Variants in CWF19L2 observed in about 807,000 individuals in gnomAD.
The protein encoded by CWF19L2 is CWF19 like cell cycle control factor 2.
A neutral mutation model predicts 111.7 loss-of-function variants in CWF19L2; 98 were observed. The ratio of observed to expected loss-of-function variants is 0.88; its 90% CI spans 0.75 to 1.04. The LOEUF (loss-of-function observed/expected upper bound fraction) is 1.04, where lower values mean the gene tolerates loss of function less well. Ranked by LOEUF, CWF19L2 falls within the 50% of genes least tolerant of loss-of-function variation. The pLI is 0.00. For synonymous variants in CWF19L2, 351 were observed against 342.9 expected (o/e 1.02, Z -0.26); for missense variants, 1,101 against 1,051.4 (o/e 1.05, Z -0.65).
chr11:107,380,507 T>A lies in CWF19L2; in HGVS notation c.1872+9567A>T, dbSNP rs549010722. On this transcript the variant is annotated intron_variant, in intron 12 of 17. Coordinates refer to ENST00000282251, the MANE Select transcript of CWF19L2 (RefSeq NM_152434.3). ...ACCAGGGTCAAGAACTGGGACCTGA[T>A]CACAACTGATACCACTTCACACCAA... 4.5e-4 allele frequency among the ~76,000 whole-genome samples: 68 copies of A among 152,162 alleles called. 1 individual carries two copies. The highest frequency in any genetic ancestry group is 1.6e-3 in the African/African-American group (67 of 41,508).
intron 3 of CWF19L2, among the ~76,000 whole-genome samples, chr11:107,447,389 C>G (rs1266855911): frequency 6.6e-6 from 1 of 152,212 alleles, no homozygotes; most frequent in East Asian, 1.9e-4. Context: ...TGAGAGTCCA[C>G]AAGGTCAGGC....
chr11:107,429,677 G>A (rs1415700017), intron 7 of CWF19L2, among the ~76,000 whole-genome samples: 1 of 151,958 alleles, frequency 6.6e-6, no homozygotes, highest in Admixed American at 6.6e-5. Context: ...AGGATAGCCA[G>A]TTACACCAAA....
At chr11:107,418,676 G>A (rs974855629) in intron 8 of CWF19L2, among the ~76,000 whole-genome samples, 1 of 152,086 alleles carries the variant, frequency 6.6e-6, no homozygotes, top group Non-Finnish European at 1.5e-5. Context: ...AATAATCTAA[G>A]AAACTATAAA....
At chr11:107,399,428 A>G (rs1358860751) in intron 10 of CWF19L2, among the ~76,000 whole-genome samples, 2 of 152,210 alleles carry the variant, frequency 1.3e-5, no homozygotes, top group African/African-American at 2.4e-5. Context: ...AGCTATTCTT[A>G]TATCAGACAA....
chr11:107,418,846 G>T (rs1861265205), intron 8 of CWF19L2, among the ~76,000 whole-genome samples: 1 of 152,128 alleles, frequency 6.6e-6, no homozygotes, highest in South Asian at 2.1e-4. Context: ...CACAAAAAAA[G>T]AAACCTCCAG....
At chr11:107,360,276 G>A (rs960816509) in intron 12 of CWF19L2, among the ~76,000 whole-genome samples, 2 of 151,918 alleles carry the variant, frequency 1.3e-5, no homozygotes, top group African/African-American at 4.8e-5. Flanking sequence ...TTATGTTGCA[G>A]CAAAAAACAA....
chr11:107,380,046 C>CAAA (rs66699460), intron 12 of CWF19L2, among the ~76,000 whole-genome samples: 3,306 of 34,402 alleles, frequency 0.096, 974 homozygotes, highest in African/African-American at 0.23. Flanking sequence ...GACACCGTCT[C>CAAA]AAAAAAAAAA....
intron 4 of CWF19L2, among the ~76,000 whole-genome samples, chr11:107,442,674 A>T (rs1861634573): frequency 6.7e-6 from 1 of 149,722 alleles, no homozygotes; most frequent in African/African-American, 2.5e-5. Context: ...ACAGAGTGAG[A>T]CCCTGTCTCT....
At chr11:107,453,880 C>A (rs1413189760) in intron 3 of CWF19L2, among the ~76,000 whole-genome samples, 1 of 151,954 alleles carries the variant, frequency 6.6e-6, no homozygotes, top group Non-Finnish European at 1.5e-5. Flanking sequence ...CCTGCCAGTA[C>A]TACCTGTGGG....
chr11:107,435,334 C>A (rs1227469303), intron 6 of CWF19L2, among the ~76,000 whole-genome samples: 1 of 152,028 alleles, frequency 6.6e-6, no homozygotes, highest in Middle Eastern at 3.2e-3. Flanking sequence ...AGTCTAAATC[C>A]GCAATCTACA....
chr11:107,402,572 G>T (rs549390127), intron 10 of CWF19L2, among the ~76,000 whole-genome samples: 3 of 151,708 alleles, frequency 2.0e-5, no homozygotes, highest in Non-Finnish European at 4.4e-5. Context: ...TCAAAAAATC[G>T]AAAAACAGTA....
At chr11:107,346,839 T>C (rs1362567114) in intron 14 of CWF19L2, among the ~76,000 whole-genome samples, 1 of 152,130 alleles carries the variant, frequency 6.6e-6, no homozygotes, top group Non-Finnish European at 1.5e-5. Flanking sequence ...CCCAGAACAC[T>C]GGCAAGTGGG....
intron 17 of CWF19L2, among the ~76,000 whole-genome samples, chr11:107,328,727 T>C (rs2134515699): frequency 6.6e-6 from 1 of 152,316 alleles, no homozygotes; most frequent in Middle Eastern, 3.4e-3. Context: ...ATTTTTGTTT[T>C]GTTTTGTTTT....
At chr11:107,416,707 A>G (rs1219665005) in intron 9 of CWF19L2, among the ~76,000 whole-genome samples, 2 of 152,242 alleles carry the variant, frequency 1.3e-5, no homozygotes, top group Non-Finnish European at 2.9e-5. Flanking sequence ...AATTCCGAAG[A>G]TATTTCATTT....
intron 3 of CWF19L2, among the ~76,000 whole-genome samples, chr11:107,449,910 A>G (rs548193421): frequency 5.3e-5 from 8 of 152,276 alleles, no homozygotes; most frequent in Admixed American, 6.5e-5. Flanking sequence ...ATTTTTCTAT[A>G]TACTGTCGAA....
chr11:107,335,261 T>A (rs1325966253), intron 15 of CWF19L2, among the ~76,000 whole-genome samples: 1 of 152,192 alleles, frequency 6.6e-6, no homozygotes, highest in Non-Finnish European at 1.5e-5. Context: ...TAATTTGTGA[T>A]CATAAAGTTC....
intron 8 of CWF19L2, among the ~76,000 whole-genome samples, chr11:107,427,547 G>C (rs1289984357): frequency 6.6e-6 from 1 of 151,912 alleles, no homozygotes. Flanking sequence ...CTAATCGTGT[G>C]GTATTACTTT....
rs2135409232 is a variant in CWF19L2, at chr11:107,429,185, T to G, written c.1047A>C (p.Arg349Ser). ...KRPGSLETCR[R>S]ESNPRQNQEF... ...CTTGATTTTGCCTTGGGTTAGATTC[T>G]CTTCTACACGTTTCTAAAGACCCAG... The change falls in exon 8 of 18, where the codon AGA becomes AGC. Residue 349 changes from arginine (R) to serine (S), a missense_variant. Arg to Ser is a moderately radical substitution (Grantham distance 110). Transcript: ENST00000282251. 1.2e-6 allele frequency: 2 copies of G among 1,613,838 alleles called. No homozygotes were observed. The highest frequency in any genetic ancestry group is 4.5e-5 in the East Asian group (2 of 44,862).
intron 10 of CWF19L2, among the ~76,000 whole-genome samples, chr11:107,413,271 T>G (rs140314463): frequency 6.6e-6 from 1 of 152,220 alleles, no homozygotes; most frequent in African/African-American, 2.4e-5. Flanking sequence ...AATTTTGCTG[T>G]GAATGTAGCA....
Sources: allele counts gnomAD v4.1 joint callset (sites outside exome capture counted in the v4.1 genomes callset), GRCh38; gene constraint gnomAD v4.1.1; transcripts MANE v1.5; gene names NCBI Gene and HGNC (gene_info 2026-07-23, HGNC 2026-07-21).